LRBA: variants seen among roughly 807,000 people sequenced by gnomAD.
LRBA encodes lipopolysaccharide-responsive and beige-like anchor protein.
Under a neutral mutation model 330.0 loss-of-function variants are expected in LRBA, and 176 were observed. That is an observed-to-expected ratio of 0.53 (90% CI 0.47 to 0.60). The LOEUF is 0.60. Among genes scored for constraint, LRBA ranks in the 20% least tolerant of loss-of-function variants. The pLI, the probability that LRBA is intolerant of heterozygous loss-of-function variation, is 0.00. For synonymous variants in LRBA, 1,230 were observed against 1,193.0 expected (o/e 1.03, Z -0.64); for missense variants, 3,259 against 3,444.8 (o/e 0.95, Z 1.35).
intron 37 of LRBA, among the ~76,000 whole-genome samples, chr4:150,672,928 G>C (rs187104401): frequency 5.7e-4 from 87 of 152,210 alleles, no homozygotes; most frequent in African/African-American, 1.8e-3. Flanking sequence ...AAGAATGAAA[G>C]GAAAGTAGTA....
chr4:150,723,934 T>C (rs1250084776), intron 36 of LRBA, among the ~76,000 whole-genome samples: 1 of 152,186 alleles, frequency 6.6e-6, no homozygotes, highest in Non-Finnish European at 1.5e-5. Context: ...GAATCCCCTG[T>C]GGACCGGTGG....
intron 40 of LRBA, among the ~76,000 whole-genome samples, chr4:150,523,071 TCTCA>T (rs1188077752): frequency 5.3e-5 from 8 of 152,236 alleles, no homozygotes; most frequent in Non-Finnish European, 8.8e-5. Context: ...CAACTTTCAG[TCTCA>T]CTCAGTCTGA....
intron 53 of LRBA, among the ~76,000 whole-genome samples, chr4:150,290,295 CT>C (rs1345246865): frequency 2.0e-5 from 3 of 152,060 alleles, no homozygotes; most frequent in African/African-American, 7.2e-5. Context: ...ATTGAAGTCT[CT>C]AAACCAAACG....
intron 34 of LRBA, among the ~76,000 whole-genome samples, chr4:150,787,724 T>C (rs374943558): frequency 2.6e-5 from 4 of 152,358 alleles, no homozygotes; most frequent in African/African-American, 2.4e-5. Flanking sequence ...TTATTGACCA[T>C]AGTCACACTC....
rs570066600 is a variant in LRBA, at chr4:150,936,032, C to T, written c.217-6967G>A. On this transcript the variant is annotated intron_variant, in intron 2 of 56. Transcript: ENST00000651943. ...TTGGTGAAAAAAATGTTTAGGAAGACATGAACAGTCAATTCACAAAAAAAA... is the reference window on the plus strand; with the variant it reads ...TTGGTGAAAAAAATGTTTAGGAAGATATGAACAGTCAATTCACAAAAAAAA... Among the ~76,000 whole-genome samples, 210 of 150,330 alleles carry T rather than the reference C, an allele frequency of 1.4e-3. 2 individuals carry two copies. Among genetic ancestry groups the T allele is most frequent in the Admixed American group, 2.2e-3 (34 of 15,142 alleles).
chr4:150,507,908 T>C (rs1274986420), intron 40 of LRBA, among the ~76,000 whole-genome samples: 2 of 151,964 alleles, frequency 1.3e-5, no homozygotes, highest in Non-Finnish European at 2.9e-5. Flanking sequence ...TAAAAAATGA[T>C]GAGTTCATGT....
At chr4:150,366,283 G>A (rs1401406924) in intron 47 of LRBA, among the ~76,000 whole-genome samples, 7 of 151,990 alleles carry the variant, frequency 4.6e-5, no homozygotes, top group African/African-American at 1.7e-4. Flanking sequence ...TAGATTAGGA[G>A]AACTGAATAA....
intron 2 of LRBA, among the ~76,000 whole-genome samples, chr4:151,002,012 TCA>T (rs1234325030): frequency 2.0e-5 from 3 of 150,258 alleles, no homozygotes; most frequent in East Asian, 2.0e-4. Context: ...TGAAAAAAAA[TCA>T]CAGAGACTAT....
intron 40 of LRBA, among the ~76,000 whole-genome samples, chr4:150,543,292 G>T (rs1300891117): frequency 2.6e-5 from 4 of 152,090 alleles, no homozygotes; most frequent in Admixed American, 6.5e-5. Context: ...GCTTGCACTA[G>T]GGAATACATC....
At chr4:150,643,186 C>A in intron 37 of LRBA, among the ~76,000 whole-genome samples, 1 of 151,866 alleles carries the variant, frequency 6.6e-6, no homozygotes, top group East Asian at 1.9e-4. Context: ...TCATGAATAA[C>A]CATTCCATTT....
chr4:150,938,488 C>T (rs1355251273), intron 2 of LRBA, among the ~76,000 whole-genome samples: 3 of 152,182 alleles, frequency 2.0e-5, no homozygotes, highest in Non-Finnish European at 4.4e-5. Flanking sequence ...GTTTGGCACA[C>T]AGAGCCCAGG....
chr4:150,809,852 TACGATACGATACGATACGATA>T (rs1288984287), intron 31 of LRBA, among the ~76,000 whole-genome samples: 337 of 7,888 alleles, frequency 0.043, 3 homozygotes, highest in African/African-American at 0.11. Context: ...TGTCTTAAAA[TACGATACGATACGATACGATA>T]CGATACGATA....
chr4:150,722,134 T>C (rs971613587), intron 36 of LRBA, among the ~76,000 whole-genome samples: 15 of 152,250 alleles, frequency 9.9e-5, no homozygotes, highest in African/African-American at 3.6e-4. Flanking sequence ...AATGCTGATG[T>C]CAGCAGCAGC....
At chr4:150,488,448 G>A (rs1253354088) in intron 41 of LRBA, among the ~76,000 whole-genome samples, 1 of 151,470 alleles carries the variant, frequency 6.6e-6, no homozygotes, top group African/African-American at 2.4e-5. Flanking sequence ...TTCCTCTGCA[G>A]TTAAAAATCA....
chr4:151,007,083 G>A (rs1254612298), intron 2 of LRBA, among the ~76,000 whole-genome samples: 2 of 152,194 alleles, frequency 1.3e-5, no homozygotes, highest in East Asian at 3.8e-4. Flanking sequence ...TTTGGTACTG[G>A]TTTAAGAATA....
chr4:150,786,592 T>G (rs1739092694), intron 34 of LRBA, among the ~76,000 whole-genome samples: 1 of 152,100 alleles, frequency 6.6e-6, no homozygotes, highest in South Asian at 2.1e-4. Flanking sequence ...AGACTCAAGA[T>G]TCATGACTCA....
chr4:150,786,032 G>T (rs1739006691), intron 34 of LRBA, among the ~76,000 whole-genome samples: 1 of 152,126 alleles, frequency 6.6e-6, no homozygotes, highest in Non-Finnish European at 1.5e-5. Context: ...GGAAATGAAG[G>T]CCAGAAATGG....
chr4:150,463,886 T>A (rs1420311887), intron 44 of LRBA, among the ~76,000 whole-genome samples: 1 of 151,196 alleles, frequency 6.6e-6, no homozygotes, highest in Non-Finnish European at 1.5e-5. Context: ...GTAGAATAGG[T>A]AACAAAGATG....
At chr4:150,353,438 C>G (rs1395430492) in intron 47 of LRBA, among the ~76,000 whole-genome samples, 1 of 152,112 alleles carries the variant, frequency 6.6e-6, no homozygotes, top group Non-Finnish European at 1.5e-5. Flanking sequence ...CTAGAAGGCT[C>G]AGCAAATGAC....
Sources: gnomAD v4.1 joint callset for allele counts (sites outside exome capture counted in the v4.1 genomes callset) on GRCh38, gnomAD v4.1.1 for gene constraint, MANE v1.5 for transcripts, NCBI Gene and HGNC (gene_info 2026-07-23, HGNC 2026-07-21) for gene names.